The following TNFRSF11A variants were observed in gnomAD, a reference collection of about 807,000 sequenced individuals.
TNFRSF11A encodes tumor necrosis factor receptor superfamily member 11A.
Under a neutral mutation model 55.7 loss-of-function variants are expected in TNFRSF11A, and 32 were observed. That is an observed-to-expected ratio of 0.57 (90% CI 0.43 to 0.77). The LOEUF (loss-of-function observed/expected upper bound fraction) is 0.77, where lower values mean the gene tolerates loss of function less well. Among genes scored for constraint, TNFRSF11A ranks in the 30% least tolerant of loss-of-function variants. The pLI is 0.00. For missense variants in TNFRSF11A, 753 were observed against 809.8 expected (o/e 0.93, Z 0.85); for synonymous variants, 311 against 331.0 (o/e 0.94, Z 0.65).
intron 9 of TNFRSF11A, among the ~76,000 whole-genome samples, chr18:62,374,425 G>C (rs1209800086): frequency 2.0e-5 from 3 of 152,164 alleles, no homozygotes; most frequent in Admixed American, 6.5e-5. Context: ...AGAAGCATAT[G>C]GGTTAAATAT....
At chr18:62,348,347 G>T in intron 2 of TNFRSF11A, 98 bp downstream of exon 2, 1 of 1,069,258 alleles carries the variant, frequency 9.4e-7, no homozygotes, top group Non-Finnish European at 1.4e-6. Flanking sequence ...AAATTGGATA[G>T]ACGCGTTATG....
At chr18:62,352,772 T>G (rs530365622) in intron 3 of TNFRSF11A, among the ~76,000 whole-genome samples, 1 of 152,106 alleles carries the variant, frequency 6.6e-6, no homozygotes, top group Admixed American at 6.5e-5. Context: ...CTTGGAAGAG[T>G]GGGCACTGCA....
At chr18:62,337,854 T>A (rs958292020) in intron 1 of TNFRSF11A, among the ~76,000 whole-genome samples, 12 of 152,248 alleles carry the variant, frequency 7.9e-5, no homozygotes, top group African/African-American at 2.9e-4. Flanking sequence ...GCGCATAGTA[T>A]GTGTTCACTT....
At chr18:62,358,159 T>C in intron 4 of TNFRSF11A, 89 bp from the exon 5 acceptor site, 1 of 1,286,596 alleles carries the variant, frequency 7.8e-7, no homozygotes. Flanking sequence ...CCTCCAGTCC[T>C]CTGGAGTCCC....
intron 1 of TNFRSF11A, among the ~76,000 whole-genome samples, chr18:62,327,039 G>C (rs894538259): frequency 5.1e-5 from 7 of 138,322 alleles, no homozygotes; most frequent in African/African-American, 2.0e-4. Flanking sequence ...CAGATTTTGG[G>C]GCGGGTTTGG....
At chr18:62,382,107 CTTT>C (rs574488222) in intron 9 of TNFRSF11A, among the ~76,000 whole-genome samples, 8 of 89,410 alleles carry the variant, frequency 8.9e-5, no homozygotes, top group Non-Finnish European at 1.5e-4. Flanking sequence ...TTCCTGAGTC[CTTT>C]TTTTTTTTTT....
In TNFRSF11A at chr18:62,384,816, G is replaced by A. The variant is rs2145405009; in HGVS notation, c.1633G>A (p.Asp545Asn). ...SSGQVMNFKG[D>N]IIVVYVSQTS... ...CGGGCAGGTGATGAACTTCAAGGGCGACATCATCGTGGTCTACGTCAGCCA... is the reference window on the plus strand; with the variant it reads ...CGGGCAGGTGATGAACTTCAAGGGCAACATCATCGTGGTCTACGTCAGCCA... Residue 545 changes from aspartate to asparagine, a missense_variant, in exon 10 of 10, where the codon GAC becomes AAC. Coordinates refer to ENST00000586569, the MANE Select transcript of TNFRSF11A (RefSeq NM_003839.4). The A allele has an allele frequency of 6.2e-7, 1 of 1,612,466 alleles. No individual in the cohort carries two copies. Among genetic ancestry groups the A allele is most frequent in the Non-Finnish European group, 8.5e-7 (1 of 1,179,416 alleles).
At chr18:62,355,267 CTTTATTTAT>C (rs1372078115) in intron 4 of TNFRSF11A, among the ~76,000 whole-genome samples, 1 of 152,102 alleles carries the variant, frequency 6.6e-6, no homozygotes, top group East Asian at 1.9e-4. Context: ...TATTTGAAAT[CTTTATTTAT>C]TTTATTTATT....
intron 8 of TNFRSF11A, 38 bp from the exon 9 acceptor site, chr18:62,368,663 G>A (rs1228686573): frequency 6.2e-7 from 1 of 1,609,634 alleles, no homozygotes; most frequent in Admixed American, 1.7e-5. Context: ...AATAACTCTA[G>A]GTATTAATGC....
intron 7 of TNFRSF11A, 95 bp downstream of exon 7, chr18:62,361,888 T>A: frequency 1.8e-6 from 2 of 1,110,444 alleles, no homozygotes; most frequent in Non-Finnish European, 2.8e-6. Context: ...ACTTGCTGCC[T>A]ATGGTGATCT....
chr18:62,351,002 C>CTTTTTTTTTTT (rs71160826), intron 3 of TNFRSF11A, among the ~76,000 whole-genome samples: 15 of 122,682 alleles, frequency 1.2e-4, no homozygotes, highest in South Asian at 2.7e-4. Context: ...TTTTTTCTTT[C>CTTTTTTTTTTT]TTTTTTTTTT....
At chr18:62,334,203 T>C (rs2046197978) in intron 1 of TNFRSF11A, among the ~76,000 whole-genome samples, 1 of 152,138 alleles carries the variant, frequency 6.6e-6, no homozygotes, top group African/African-American at 2.4e-5. Flanking sequence ...CAATGCTGTG[T>C]CTTTAAGGCT....
chr18:62,335,268 T>A (rs1264421390), intron 1 of TNFRSF11A, among the ~76,000 whole-genome samples: 1 of 146,756 alleles, frequency 6.8e-6, no homozygotes, highest in African/African-American at 2.4e-5. Context: ...ACACCACATT[T>A]GGCTAATTTT....
At chr18:62,331,225 GTAAA>G (rs5825487) in intron 1 of TNFRSF11A, among the ~76,000 whole-genome samples, 84,350 of 149,922 alleles carry the variant, frequency 0.56, 23,845 homozygotes, top group African/African-American at 0.62. Context: ...TAAATAAATA[GTAAA>G]TAAATAAATA....
In TNFRSF11A at chr18:62,333,985, C is replaced by G. The variant is rs371746523; in HGVS notation, c.75+8558C>G. Among the ~76,000 whole-genome samples, 5 of 152,196 alleles carry G rather than the reference C, an allele frequency of 3.3e-5. No homozygotes were observed. In the East Asian group the frequency reaches 9.7e-4, roughly 29 times the overall value. ...ATTCAAGCAATTCTCCCTGCCTCAG[C>G]CTCCCGAGTAGCTGGGATTACAGGT... On this transcript the variant is annotated intron_variant, in intron 1 of 9. Transcript: ENST00000586569.
chr18:62,361,640 G>T lies in TNFRSF11A; in HGVS notation c.617-40G>T, dbSNP rs1909692550. The T allele has an allele frequency of 2.6e-6, 4 of 1,553,856 alleles. No homozygotes were observed. The African/African-American group carries it at 5.4e-5, about 21-fold the overall frequency. ...TGTTTTTCAACTGCGTAAAATTAAA[G>T]AATCTTTACTACCATATTTCTCATT... On this transcript the variant is annotated intron_variant, in intron 6 of 9. Transcript: ENST00000586569.
In TNFRSF11A at chr18:62,366,854, C is replaced by A. The variant is rs545851591; in HGVS notation, c.783+94C>A. 6.1e-6 allele frequency: 8 copies of A among 1,311,198 alleles called. No individual in the cohort carries two copies. In the African/African-American group the frequency reaches 7.2e-5, roughly 12 times the overall value. 81.2% of individuals were successfully genotyped at this position (1,311,198 alleles called of 1,614,324 possible). On this transcript the variant is annotated intron_variant, in intron 8 of 9. Transcript: ENST00000586569. ...TCACATATTGAGCACCCCCCCCCAC[C>A]CCCACTTTTTTTGAGACGGAGTCTC...
intron 1 of TNFRSF11A, among the ~76,000 whole-genome samples, chr18:62,334,434 C>T (rs1003876567): frequency 1.1e-4 from 17 of 152,116 alleles, no homozygotes; most frequent in Non-Finnish European, 2.5e-4. Flanking sequence ...TCTCTCCACG[C>T]GTGTTCATCC....
Position 62,385,320 on chromosome 18 carries a change from A to T in TNFRSF11A, c.*286A>T. ...AGTAATTTGTGGCACTATGACAGCT[A>T]TTTTTATGACTATCCTGTTCTGTGG... On this transcript the variant is annotated 3_prime_UTR_variant, in exon 10 of 10. Transcript: ENST00000586569. The T allele has an allele frequency of 6.1e-6, 2 of 325,720 alleles. No individual in the cohort carries two copies. The highest frequency in any genetic ancestry group is 5.5e-6 in the Non-Finnish European group (1 of 183,296). The allele number at this position is 325,720 out of a possible 1,614,324, so 20.2% of individuals were successfully genotyped here.
Sources: gnomAD v4.1 joint callset for allele counts (sites outside exome capture counted in the v4.1 genomes callset) on GRCh38, gnomAD v4.1.1 for gene constraint, MANE v1.5 for transcripts, NCBI Gene and HGNC (gene_info 2026-07-23, HGNC 2026-07-21) for gene names.